Variants in ETV1 observed in about 807,000 individuals in gnomAD.
The protein encoded by ETV1 is ETS variant transcription factor 1.
Under a neutral mutation model 62.3 loss-of-function variants are expected in ETV1, and 27 were observed. The observed-to-expected ratio is 0.43, with a 90% CI of 0.32 to 0.60. ETV1 has a LOEUF of 0.60. Ranked by LOEUF, ETV1 falls within the 20% of genes least tolerant of loss-of-function variation. The pLI is 0.06. For missense variants in ETV1, 605 were observed against 605.8 expected, an observed-to-expected ratio of 1.00 and a Z score of 0.01; for synonymous variants, 222 against 199.6, an observed-to-expected ratio of 1.11 and a Z score of -0.94.
intron 6 of ETV1, among the ~76,000 whole-genome samples, chr7:13,973,229 A>T (rs1407085706): frequency 6.6e-6 from 1 of 152,224 alleles, no homozygotes; most frequent in East Asian, 1.9e-4. Flanking sequence ...AAAGGACTAA[A>T]GCAGTAAAAG....
chr7:13,969,741 A>C (rs1442565037), intron 6 of ETV1, among the ~76,000 whole-genome samples: 2 of 152,182 alleles, frequency 1.3e-5, no homozygotes, highest in Admixed American at 6.5e-5. Flanking sequence ...ACCGGCATTA[A>C]AGTAATTAAA....
At chr7:13,947,572 C>G (rs757307919) in intron 6 of ETV1, among the ~76,000 whole-genome samples, 3 of 152,110 alleles carry the variant, frequency 2.0e-5, no homozygotes, top group Non-Finnish European at 4.4e-5. Context: ...AGATCTAACA[C>G]TAAGTCATAA....
chr7:13,955,255 G>C (rs1032863851), intron 6 of ETV1, among the ~76,000 whole-genome samples: 1 of 152,074 alleles, frequency 6.6e-6, no homozygotes, highest in Non-Finnish European at 1.5e-5. Flanking sequence ...TTACAGAAAA[G>C]CTTCTACCGA....
intron 6 of ETV1, among the ~76,000 whole-genome samples, chr7:13,947,060 G>A (rs1269177855): frequency 6.6e-6 from 1 of 152,192 alleles, no homozygotes; most frequent in Admixed American, 6.5e-5. Context: ...ATAGGCGTGA[G>A]CCACCACACC....
At chr7:13,981,285 G>A (rs1448757081) in intron 5 of ETV1, among the ~76,000 whole-genome samples, 1 of 152,036 alleles carries the variant, frequency 6.6e-6, no homozygotes, top group Non-Finnish European at 1.5e-5. Flanking sequence ...AATTCCTCAA[G>A]ACAAGCAGGC....
chr7:13,918,818 T>C (rs1784493776), intron 9 of ETV1, among the ~76,000 whole-genome samples: 1 of 148,690 alleles, frequency 6.7e-6, no homozygotes, highest in African/African-American at 2.5e-5. Context: ...GGCACATGTA[T>C]ACATATGTAA....
intron 6 of ETV1, among the ~76,000 whole-genome samples, chr7:13,942,808 T>C (rs1320723229): frequency 6.6e-6 from 1 of 152,172 alleles, no homozygotes; most frequent in African/African-American, 2.4e-5. Flanking sequence ...CTATAGCTAA[T>C]AAATATGCAT....
At chr7:13,925,372 T>G (rs1785291225) in intron 9 of ETV1, among the ~76,000 whole-genome samples, 2 of 152,198 alleles carry the variant, frequency 1.3e-5, no homozygotes, top group African/African-American at 4.8e-5. Flanking sequence ...TTGCAAGCAC[T>G]GTGCAAGGTG....
intron 5 of ETV1, among the ~76,000 whole-genome samples, chr7:13,983,198 T>C (rs1180688532): frequency 6.6e-6 from 1 of 151,996 alleles, no homozygotes; most frequent in Non-Finnish European, 1.5e-5. Flanking sequence ...TTGATGAAAG[T>C]GAACCTGAAA....
At chr7:13,989,512 A>G in intron 1 of ETV1, 48 bp from the exon 2 acceptor site, 1 of 400,490 alleles carries the variant, frequency 2.5e-6, no homozygotes, top group South Asian at 1.3e-4. Context: ...TTTGCGACCC[A>G]CAACCATGCA....
intron 5 of ETV1, among the ~76,000 whole-genome samples, chr7:13,979,637 G>T (rs1180548264): frequency 1.3e-5 from 2 of 152,082 alleles, no homozygotes; most frequent in African/African-American, 4.8e-5. Context: ...TTTTCCCTCA[G>T]AATTAACAGC....
At chr7:13,950,811 G>A (rs2128471711) in intron 6 of ETV1, among the ~76,000 whole-genome samples, 1 of 151,830 alleles carries the variant, frequency 6.6e-6, no homozygotes, top group Non-Finnish European at 1.5e-5. Flanking sequence ...GTTTCAGAGT[G>A]GTTGCAAATA....
chr7:13,980,067 T>C (rs1329109974), intron 5 of ETV1, among the ~76,000 whole-genome samples: 4 of 152,186 alleles, frequency 2.6e-5, no homozygotes, highest in African/African-American at 7.2e-5. Flanking sequence ...ATTTCTGTTC[T>C]AACTCCTTAA....
chr7:13,971,745 C>T (rs1028919890), intron 6 of ETV1, among the ~76,000 whole-genome samples: 1 of 152,122 alleles, frequency 6.6e-6, no homozygotes, highest in African/African-American at 2.4e-5. Context: ...CAAATGGAAA[C>T]AAACTAGTTC....
At chr7:13,970,260 C>CAAAA (rs1226819391) in intron 6 of ETV1, among the ~76,000 whole-genome samples, 1 of 113,342 alleles carries the variant, frequency 8.8e-6, no homozygotes, top group African/African-American at 3.6e-5. Flanking sequence ...GACCCCATCT[C>CAAAA]AAAACACACA....
At chr7:13,980,797 C>A (rs1382625007) in intron 5 of ETV1, among the ~76,000 whole-genome samples, 1 of 151,960 alleles carries the variant, frequency 6.6e-6, no homozygotes, top group Non-Finnish European at 1.5e-5. Flanking sequence ...TGTTTTCTGT[C>A]TTTTTGCTAC....
chr7:13,949,828 C>T (rs1788589220), intron 6 of ETV1, among the ~76,000 whole-genome samples: 1 of 152,194 alleles, frequency 6.6e-6, no homozygotes, highest in African/African-American at 2.4e-5. Context: ...TCTGGAAATA[C>T]ATTCACCTAT....
chr7:13,928,749 G>A (rs1785732910), intron 9 of ETV1, among the ~76,000 whole-genome samples: 4 of 151,814 alleles, frequency 2.6e-5, no homozygotes, highest in Non-Finnish European at 4.4e-5. Flanking sequence ...CCAGAGGTCA[G>A]GAGTTTGAGA....
intron 7 of ETV1, among the ~76,000 whole-genome samples, chr7:13,938,796 A>G (rs111321052): frequency 1.1e-3 from 163 of 152,320 alleles, no homozygotes; most frequent in Non-Finnish European, 1.8e-3. Flanking sequence ...CTCTCTATCT[A>G]AAGTGTATAA....
Sources: allele counts gnomAD v4.1 joint callset (sites outside exome capture counted in the v4.1 genomes callset), GRCh38; gene constraint gnomAD v4.1.1; transcripts MANE v1.5; gene names NCBI Gene and HGNC (gene_info 2026-07-23, HGNC 2026-07-21).